The following RYR2 variants were observed in gnomAD, a reference collection of about 807,000 sequenced individuals.
RYR2 encodes cardiac muscle ryanodine receptor-calcium release channel.
In RYR2, 227 loss-of-function variants were observed where a neutral mutation model predicts 601.1. The observed-to-expected ratio is 0.38, with a 90% confidence interval of 0.34 to 0.42. RYR2 has a LOEUF of 0.42. Among genes scored for constraint, RYR2 ranks in the 10% least tolerant of loss-of-function variants. The pLI, the probability that RYR2 is intolerant of heterozygous loss-of-function variation, is 1.00. For synonymous variants in RYR2, 2,223 were observed against 2,175.1 expected, an observed-to-expected ratio of 1.02 and a Z score of -0.61; for missense variants, 4,646 against 6,156.5, an observed-to-expected ratio of 0.75 and a Z score of 8.21.
chr1:237,782,018 GA>G (rs973246841), intron 89 of RYR2, among the ~76,000 whole-genome samples: 10 of 152,168 alleles, frequency 6.6e-5, no homozygotes, highest in African/African-American at 2.4e-4. Flanking sequence ...CTGCTGCTTT[GA>G]AAAGACCACA....
At position 237,493,151 on chromosome 1, in the gene RYR2, T is replaced by C. The variant is rs1663602767; in HGVS notation, c.1961+64T>C. The C allele has an allele frequency of 3.8e-6, 6 of 1,569,410 alleles. No individual in the cohort carries two copies. The Admixed American group carries it at 1.0e-4, about 27-fold the overall frequency. Reference sequence around the variant, plus strand: ...AATAAAAGAATTAATGTTCTTGCCCTGTAGCTGATACTATATGGTCTGTTT... The same window carrying C: ...AATAAAAGAATTAATGTTCTTGCCCCGTAGCTGATACTATATGGTCTGTTT... On this transcript the variant is annotated intron_variant, in intron 19 of 104. Coordinates refer to ENST00000366574, the MANE Select transcript of RYR2 (RefSeq NM_001035.3).
intron 2 of RYR2, among the ~76,000 whole-genome samples, chr1:237,315,559 A>G (rs553847487): frequency 2.0e-5 from 3 of 152,348 alleles, no homozygotes; most frequent in African/African-American, 4.8e-5. Flanking sequence ...TTTTTCTGTA[A>G]TATACTTTGA....
intron 80 of RYR2, chr1:237,755,105 C>G (rs779777326): frequency 7.8e-7 from 1 of 1,288,110 alleles, no homozygotes. Context: ...CCAGCCTCGG[C>G]GAGAACTCTC....
intron 2 of RYR2, among the ~76,000 whole-genome samples, chr1:237,322,550 A>C (rs1695722082): frequency 6.6e-6 from 1 of 152,170 alleles, no homozygotes; most frequent in African/African-American, 2.4e-5. Context: ...CTATGAATGG[A>C]TTCTACAAAA....
chr1:237,785,941 T>G (rs1455219129), intron 90 of RYR2, 28 bp from the exon 91 acceptor site: 11 of 1,524,186 alleles, frequency 7.2e-6, no homozygotes, highest in African/African-American at 1.4e-5. Flanking sequence ...GTAATCCTGG[T>G]TTTCTTTTCC....
At chr1:237,550,121 G>A (rs946313857) in intron 26 of RYR2, among the ~76,000 whole-genome samples, 7 of 152,134 alleles carry the variant, frequency 4.6e-5, no homozygotes, top group Non-Finnish European at 7.3e-5. Context: ...TTTTGAAGAA[G>A]GGAAAGCAGC....
chr1:237,187,501 T>C (rs983789889), intron 1 of RYR2, among the ~76,000 whole-genome samples: 2 of 140,486 alleles, frequency 1.4e-5, no homozygotes, highest in Non-Finnish European at 3.0e-5. Flanking sequence ...TGAAGTGCAG[T>C]GGCATGGTCA....
In RYR2 at chr1:237,648,319, G is replaced by A. The variant is rs902303583; in HGVS notation, c.7343-125G>A. On this transcript the variant is annotated intron_variant, in intron 48 of 104. Transcript: ENST00000366574. ...CTCCCATAATAGCTTGAGGGTAGTC[G>A]AAGAACAGAAAGCCATTTCATTGAA... 59 of 869,004 alleles carry A rather than the reference G, an allele frequency of 6.8e-5. No homozygotes were observed. The African/African-American group carries it at 7.2e-4, about 11-fold the overall frequency. 53.8% of individuals were successfully genotyped at this position (869,004 alleles called of 1,614,324 possible).
intron 11 of RYR2, 111 bp from the exon 12 acceptor site, chr1:237,422,981 G>A: frequency 8.0e-7 from 1 of 1,250,244 alleles, no homozygotes; most frequent in Non-Finnish European, 1.1e-6. Flanking sequence ...TAAGTTTTTT[G>A]AGAACATTAA....
chr1:237,744,162 A>C (rs1691857475), intron 80 of RYR2, among the ~76,000 whole-genome samples: 2 of 152,174 alleles, frequency 1.3e-5, no homozygotes, highest in East Asian at 1.9e-4. Context: ...TTTCTCTCTT[A>C]ATATTTTGAA....
intron 72 of RYR2, 97 bp from the exon 73 acceptor site, chr1:237,718,365 C>T (rs924235920): frequency 1.2e-5 from 7 of 608,672 alleles, no homozygotes; most frequent in East Asian, 5.6e-5. Context: ...GTTTCTCAGA[C>T]GTATACTATT....
intron 14 of RYR2, among the ~76,000 whole-genome samples, chr1:237,453,874 A>G (rs1658484674): frequency 6.6e-6 from 1 of 152,186 alleles, no homozygotes; most frequent in Non-Finnish European, 1.5e-5. Flanking sequence ...CAGATAATAG[A>G]AAAGCATTTT....
intron 12 of RYR2, among the ~76,000 whole-genome samples, chr1:237,425,514 G>A (rs1228024122): frequency 4.6e-5 from 7 of 152,038 alleles, no homozygotes; most frequent in African/African-American, 1.2e-4. Flanking sequence ...TGTGCCTGCA[G>A]TCCCAGCTAC....
chr1:237,424,439 C>A (rs74147260), intron 12 of RYR2, among the ~76,000 whole-genome samples: 2,977 of 152,232 alleles, frequency 0.02, 89 homozygotes, highest in African/African-American at 0.061. Context: ...TCTTAGTATT[C>A]AATCGCCTTT....
chr1:237,103,268 T>C (rs1295167676), intron 1 of RYR2, among the ~76,000 whole-genome samples: 1 of 152,158 alleles, frequency 6.6e-6, no homozygotes, highest in Admixed American at 6.5e-5. Flanking sequence ...CTGTCCTACG[T>C]TTGGGAACCT....
intron 13 of RYR2, among the ~76,000 whole-genome samples, chr1:237,441,889 C>G (rs1294972887): frequency 5.3e-5 from 8 of 151,380 alleles, no homozygotes; most frequent in African/African-American, 1.9e-4. Context: ...AAGGAGGGGG[C>G]GGGGTCAGAA....
At chr1:237,083,372 C>A (rs1312095897) in intron 1 of RYR2, among the ~76,000 whole-genome samples, 2 of 152,166 alleles carry the variant, frequency 1.3e-5, no homozygotes, top group African/African-American at 2.4e-5. Flanking sequence ...CACTCTCAGG[C>A]AAGCCAGGTA....
chr1:237,710,420 G>A (rs906634517), intron 70 of RYR2, among the ~76,000 whole-genome samples: 1 of 151,988 alleles, frequency 6.6e-6, no homozygotes, highest in African/African-American at 2.4e-5. Flanking sequence ...TTTTAAATAT[G>A]CATATTTAAT....
chr1:237,392,070 A>G (rs1233673267), intron 10 of RYR2, among the ~76,000 whole-genome samples: 1 of 152,124 alleles, frequency 6.6e-6, no homozygotes, highest in African/African-American at 2.4e-5. Flanking sequence ...AGTAGTTGTG[A>G]GCAGTCAGGT....
Sources: allele counts gnomAD v4.1 joint callset (sites outside exome capture counted in the v4.1 genomes callset), GRCh38; gene constraint gnomAD v4.1.1; transcripts MANE v1.5; gene names NCBI Gene and HGNC (gene_info 2026-07-23, HGNC 2026-07-21).